Variants in NCOA3 observed in about 807,000 individuals in gnomAD.
NCOA3 encodes the protein nuclear receptor coactivator 3.
A neutral mutation model predicts 158.8 loss-of-function variants in NCOA3; 51 were observed. The ratio of observed to expected loss-of-function variants is 0.32; its 90% CI spans 0.26 to 0.41. The LOEUF (loss-of-function observed/expected upper bound fraction) is 0.41. Among genes scored for constraint, NCOA3 ranks in the 10% least tolerant of loss-of-function variants. The probability of loss-of-function intolerance (pLI) is 1.00; values close to 1 mark genes in which losing one functional copy is unlikely to be tolerated. For missense variants in NCOA3, 1,510 were observed against 1,746.6 expected (o/e 0.86, Z 2.41); for synonymous variants, 537 against 592.4 (o/e 0.91, Z 1.36).
At chr20:47,552,577 C>T (rs2084941040) in intron 1 of NCOA3, among the ~76,000 whole-genome samples, 1 of 152,090 alleles carries the variant, frequency 6.6e-6, no homozygotes, top group Non-Finnish European at 1.5e-5. Context: ...GATCTATCTA[C>T]CTAGGTTCTA....
intron 2 of NCOA3, among the ~76,000 whole-genome samples, chr20:47,600,451 C>T (rs1468704453): frequency 6.6e-6 from 1 of 151,844 alleles, no homozygotes; most frequent in Non-Finnish European, 1.5e-5. Context: ...GGTGGGATTT[C>T]AGGCGTGAGC....
intron 2 of NCOA3, among the ~76,000 whole-genome samples, chr20:47,591,217 G>T (rs1455542758): frequency 1.3e-5 from 2 of 152,184 alleles, no homozygotes; most frequent in African/African-American, 4.8e-5. Flanking sequence ...AGTTAATTCT[G>T]TTTCTCTTAG....
intron 1 of NCOA3, among the ~76,000 whole-genome samples, chr20:47,510,647 G>A (rs1310595203): frequency 6.6e-6 from 1 of 151,958 alleles, no homozygotes; most frequent in African/African-American, 2.4e-5. Flanking sequence ...AGGATGGAGT[G>A]TAGTGTCACC....
At chr20:47,521,046 A>G (rs2084323693) in intron 1 of NCOA3, among the ~76,000 whole-genome samples, 1 of 152,222 alleles carries the variant, frequency 6.6e-6, no homozygotes, top group African/African-American at 2.4e-5. Flanking sequence ...GAAGTACTCT[A>G]CCGGCTCCCA....
At chr20:47,620,563 C>T (rs946140365) in intron 2 of NCOA3, among the ~76,000 whole-genome samples, 5 of 152,162 alleles carry the variant, frequency 3.3e-5, no homozygotes, top group African/African-American at 1.2e-4. Flanking sequence ...TGTCAACTCC[C>T]TTCCTCATCC....
At chr20:47,648,039 C>T (rs1410554473) in intron 18 of NCOA3, among the ~76,000 whole-genome samples, 7 of 151,688 alleles carry the variant, frequency 4.6e-5, no homozygotes, top group Admixed American at 1.3e-4. Flanking sequence ...CTCAGCCTCC[C>T]GAGTAGCTGG....
At chr20:47,565,280 C>T (rs2085174660) in intron 1 of NCOA3, among the ~76,000 whole-genome samples, 1 of 152,160 alleles carries the variant, frequency 6.6e-6, no homozygotes, top group Non-Finnish European at 1.5e-5. Context: ...GGTGCCTGGC[C>T]CCAGATGTCT....
At chr20:47,624,220 T>A in intron 4 of NCOA3, 137 bp downstream of exon 4, 2 of 648,842 alleles carry the variant, frequency 3.1e-6, no homozygotes, top group Non-Finnish European at 5.2e-6. Context: ...GCACATTACG[T>A]TTGTGGTGCA....
chr20:47,649,063 G>T lies in NCOA3; in HGVS notation c.3605G>T (p.Gly1202Val), dbSNP rs1329954184. Residue 1202 changes from glycine to valine, a missense_variant, in exon 19 of 23, where the codon GGT becomes GTT. Gly to Val is a moderately radical substitution (Grantham distance 109). This residue lies in a region of NCOA3 where 1,017 missense variants were observed against 1,098.3 expected (regional missense o/e 0.93). Transcript: ENST00000371998. ...ELKMENPTAGGAAVMRPMMQP... is the reference protein window; with the variant it reads ...ELKMENPTAGVAAVMRPMMQP... Reference sequence around the variant, plus strand: ...AAAATGGAAAACCCTACTGCTGGTGGTGCTGCGGTGATGAGGCCTATGATG... The same window carrying T: ...AAAATGGAAAACCCTACTGCTGGTGTTGCTGCGGTGATGAGGCCTATGATG... 2 of 1,614,120 alleles carry T rather than the reference G, an allele frequency of 1.2e-6. No individual in the cohort carries two copies. The highest frequency in any genetic ancestry group is 2.7e-5 in the African/African-American group (2 of 75,044).
At chr20:47,589,933 C>T (rs911115134) in intron 2 of NCOA3, among the ~76,000 whole-genome samples, 1 of 151,886 alleles carries the variant, frequency 6.6e-6, no homozygotes, top group African/African-American at 2.4e-5. Context: ...TCTTTGTTTT[C>T]TTTTTAAAAA....
intron 1 of NCOA3, among the ~76,000 whole-genome samples, chr20:47,512,259 AAAC>A (rs1254584515): frequency 6.6e-6 from 1 of 152,162 alleles, no homozygotes; most frequent in Non-Finnish European, 1.5e-5. Flanking sequence ...AATAAGATAA[AAAC>A]AATCCAACTT....
At position 47,653,799 on chromosome 20, in the gene NCOA3, C is replaced by G. The variant is rs930839196; in HGVS notation, c.*382C>G. 10 of 243,598 alleles carry G rather than the reference C, an allele frequency of 4.1e-5. No individual in the cohort carries two copies. The highest frequency in any genetic ancestry group is 6.3e-5 in the Non-Finnish European group (8 of 127,102). 15.1% of individuals were successfully genotyped at this position (243,598 alleles called of 1,614,324 possible). On this transcript the variant is annotated 3_prime_UTR_variant, in exon 23 of 23. Transcript: ENST00000371998. ...GTGGGCCAGAGAACATTGGAAGAAT[C>G]AAGAGAGATTAGAATATCTGGTTTC... is the stretch of plus-strand genomic sequence containing the variant.
chr20:47,595,686 T>A (rs560688323), intron 2 of NCOA3, among the ~76,000 whole-genome samples: 17 of 152,026 alleles, frequency 1.1e-4, no homozygotes, highest in East Asian at 7.7e-4. Flanking sequence ...TTTTTTTTTT[T>A]AATTTTTTGG....
intron 2 of NCOA3, among the ~76,000 whole-genome samples, chr20:47,611,265 C>G (rs1437981379): frequency 1.3e-5 from 2 of 151,964 alleles, no homozygotes; most frequent in South Asian, 2.1e-4. Flanking sequence ...GTGCACATAC[C>G]CACTGTCCCT....
chr20:47,525,947 C>G (rs1411013833), intron 1 of NCOA3, among the ~76,000 whole-genome samples: 1 of 151,300 alleles, frequency 6.6e-6, no homozygotes, highest in Non-Finnish European at 1.5e-5. Flanking sequence ...GGCTGACCCC[C>G]CCACCTCCCT....
chr20:47,599,373 A>G (rs927388734), intron 2 of NCOA3, among the ~76,000 whole-genome samples: 1 of 151,036 alleles, frequency 6.6e-6, no homozygotes, highest in African/African-American at 2.4e-5. Flanking sequence ...GTTGGGTTAT[A>G]TGAGGTTGAG....
At chr20:47,527,383 G>A (rs927904626) in intron 1 of NCOA3, among the ~76,000 whole-genome samples, 9 of 151,792 alleles carry the variant, frequency 5.9e-5, no homozygotes, top group East Asian at 3.9e-4. Context: ...TTTTCTTTAC[G>A]TATATTTTGT....
Position 47,634,187 on chromosome 20 carries a change from C to A in NCOA3, c.1104C>A (p.Phe368Leu), listed in dbSNP as rs1318998442. 6.2e-7 allele frequency: 1 copy of A among 1,613,560 alleles called. No homozygotes were observed. Among genetic ancestry groups the A allele is most frequent in the Admixed American group, 1.7e-5 (1 of 59,968 alleles). ...GACATGGCTTTGTCTCAACCCACTT[C>A]CTTCAGAGGTAATGATAGATTACTG... ...NDRHGFVSTH[F>L]LQREQNGYRP... The change falls in exon 10 of 23, where the codon TTC becomes TTA. Residue 368 changes from phenylalanine (F) to leucine (L), a missense_variant. Phe to Leu is a conservative substitution (Grantham distance 22, BLOSUM62 0). Coordinates refer to ENST00000371998, the MANE Select transcript of NCOA3 (RefSeq NM_181659.3).
chr20:47,620,380 G>A (rs2086219808), intron 2 of NCOA3, among the ~76,000 whole-genome samples: 1 of 152,106 alleles, frequency 6.6e-6, no homozygotes, highest in Non-Finnish European at 1.5e-5. Flanking sequence ...CAAAGCACTG[G>A]GATTACTTGA....
Sources: allele counts gnomAD v4.1 joint callset (sites outside exome capture counted in the v4.1 genomes callset), GRCh38; gene constraint gnomAD v4.1.1; regional missense constraint gnomAD v4.1.1; transcripts MANE v1.5; gene names NCBI Gene and HGNC (gene_info 2026-07-23, HGNC 2026-07-21).